Variants in L3MBTL4 observed in about 807,000 individuals in gnomAD.
The protein encoded by L3MBTL4 is lethal(3)malignant brain tumor-like protein 4.
L3MBTL4 carries 70 observed loss-of-function variants against 84.5 expected under a neutral mutation model. That is an observed-to-expected ratio of 0.83 (90% CI 0.68 to 1.01). L3MBTL4 has a LOEUF of 1.01. Among genes scored for constraint, L3MBTL4 ranks in the 50% least tolerant of loss-of-function variants. The pLI, the probability that L3MBTL4 is intolerant of heterozygous loss-of-function variation, is 0.00. For synonymous variants in L3MBTL4, 274 were observed against 259.8 expected (o/e 1.05, Z -0.52); for missense variants, 715 against 754.8 (o/e 0.95, Z 0.62).
At chr18:6,118,640 A>G (rs1324640456) in intron 14 of L3MBTL4, among the ~76,000 whole-genome samples, 3 of 152,224 alleles carry the variant, frequency 2.0e-5, no homozygotes, top group Non-Finnish European at 4.4e-5. Flanking sequence ...ATTTTTATTG[A>G]AGATATTAAT....
intron 16 of L3MBTL4, among the ~76,000 whole-genome samples, chr18:6,017,306 C>G (rs1876526594): frequency 7.1e-6 from 1 of 141,144 alleles, no homozygotes; most frequent in Non-Finnish European, 1.5e-5. Context: ...AGACACTTCT[C>G]AAGCAGTGAC....
chr18:6,406,801 G>T (rs1023992282), intron 1 of L3MBTL4, among the ~76,000 whole-genome samples: 9 of 152,054 alleles, frequency 5.9e-5, no homozygotes, highest in African/African-American at 2.2e-4. Context: ...AAAAAATGCT[G>T]AATCCAAATG....
chr18:6,374,088 T>TC (rs1372919765), intron 1 of L3MBTL4, among the ~76,000 whole-genome samples: 1 of 152,214 alleles, frequency 6.6e-6, no homozygotes, highest in African/African-American at 2.4e-5. Context: ...TGCCCACATT[T>TC]CCCCTGTGAA....
chr18:5,999,240 T>A (rs1259948224), intron 16 of L3MBTL4, among the ~76,000 whole-genome samples: 2 of 152,222 alleles, frequency 1.3e-5, no homozygotes, highest in East Asian at 3.9e-4. Context: ...TTATATTTAT[T>A]GAAATTCCAC....
chr18:5,978,015 G>A (rs540981404), intron 16 of L3MBTL4, among the ~76,000 whole-genome samples: 5 of 152,316 alleles, frequency 3.3e-5, no homozygotes, highest in South Asian at 2.1e-4. Flanking sequence ...ATGGCAGAGC[G>A]TGAACCTGAC....
intron 1 of L3MBTL4, among the ~76,000 whole-genome samples, chr18:6,400,393 C>T (rs1282328739): frequency 2.0e-5 from 3 of 151,964 alleles, no homozygotes; most frequent in African/African-American, 7.2e-5. Flanking sequence ...AGAAGAGTGA[C>T]CAAAAATCCA....
At chr18:6,151,840 G>T (rs929777867) in intron 13 of L3MBTL4, among the ~76,000 whole-genome samples, 1 of 152,128 alleles carries the variant, frequency 6.6e-6, no homozygotes, top group African/African-American at 2.4e-5. Flanking sequence ...CCTGGAACTT[G>T]TTCATTTTGT....
chr18:6,022,285 G>A (rs972694317), intron 16 of L3MBTL4, among the ~76,000 whole-genome samples: 1 of 152,148 alleles, frequency 6.6e-6, no homozygotes, highest in Non-Finnish European at 1.5e-5. Context: ...CTTCTCTGCA[G>A]TATTCATGGA....
In L3MBTL4 at chr18:6,248,473, A is replaced by G. The variant is rs115517737; in HGVS notation, c.220-3885T>C. Among the ~76,000 whole-genome samples the G allele has an allele frequency of 7.8e-3, 1,195 of 152,328 alleles. 17 individuals are homozygous for G. The highest frequency in any genetic ancestry group is 0.027 in the African/African-American group (1,120 of 41,578). ...TAATGATTTTTTAAATATGTAGAAT[A>G]TTAACATGCTTCCAAAAGTTAAAAT... On this transcript the variant is annotated intron_variant, in intron 5 of 18. Coordinates refer to ENST00000317931, the MANE Select transcript of L3MBTL4 (RefSeq NM_001330559.2).
intron 1 of L3MBTL4, among the ~76,000 whole-genome samples, chr18:6,378,695 A>C (rs936636509): frequency 1.3e-5 from 2 of 152,202 alleles, no homozygotes; most frequent in African/African-American, 2.4e-5. Context: ...TTTTGGTACC[A>C]GTACCGTGCT....
intron 1 of L3MBTL4, among the ~76,000 whole-genome samples, chr18:6,318,683 G>A (rs1225237665): frequency 6.6e-6 from 1 of 151,682 alleles, no homozygotes; most frequent in African/African-American, 2.4e-5. Flanking sequence ...AATAATACTG[G>A]GGGACTTCAA....
At chr18:6,410,542 TC>T (rs1215266712) in intron 1 of L3MBTL4, among the ~76,000 whole-genome samples, 1 of 152,146 alleles carries the variant, frequency 6.6e-6, no homozygotes, top group Non-Finnish European at 1.5e-5. Context: ...GCTGATTTAA[TC>T]TAAAAAGCTC....
At position 6,072,879 on chromosome 18, in the gene L3MBTL4, AAAATATATATATATATATATAT is replaced by A. The variant is rs1247181723; in HGVS notation, c.1444+7980_1444+8001del. ...AGACTCCGTCTCAAAAAAAAAAAAA[AAAATATATATATATATATATAT>A]ATATATATATATATATATATATATA... On this transcript the variant is annotated intron_variant, in intron 16 of 18. Coordinates refer to ENST00000317931, the MANE Select transcript of L3MBTL4 (RefSeq NM_001330559.2). 4.8e-4 allele frequency among the ~76,000 whole-genome samples: 20 copies of A among 41,598 alleles called. 4 individuals are homozygous for A. Among genetic ancestry groups the A allele is most frequent in the Non-Finnish European group, 8.6e-4 (19 of 22,012 alleles). The allele number at this position is 41,598 out of a possible 152,430, so 27.3% of individuals were successfully genotyped here. A position where few individuals can be genotyped will look rare whatever the true frequency, so the allele number is the denominator to read the frequency against.
At chr18:6,120,950 GC>G (rs1307089688) in intron 14 of L3MBTL4, among the ~76,000 whole-genome samples, 1 of 152,114 alleles carries the variant, frequency 6.6e-6, no homozygotes, top group Non-Finnish European at 1.5e-5. Context: ...CTTTTGGTGA[GC>G]TGACGCACGT....
chr18:6,077,068 T>C (rs1360226858), intron 16 of L3MBTL4, among the ~76,000 whole-genome samples: 2 of 152,136 alleles, frequency 1.3e-5, no homozygotes, highest in African/African-American at 2.4e-5. Flanking sequence ...GAACACTCAT[T>C]GAGCAAAGGA....
chr18:6,040,049 C>A (rs762540590), intron 16 of L3MBTL4, among the ~76,000 whole-genome samples: 2 of 152,006 alleles, frequency 1.3e-5, no homozygotes, highest in African/African-American at 2.4e-5. Flanking sequence ...AAGAGTAATG[C>A]ATGTACAGTA....
chr18:6,238,965 T>C (rs2047334453), intron 9 of L3MBTL4, among the ~76,000 whole-genome samples: 1 of 152,110 alleles, frequency 6.6e-6, no homozygotes, highest in African/African-American at 2.4e-5. Flanking sequence ...TTTAATGGCA[T>C]GCATGGTAGC....
intron 18 of L3MBTL4, 33 bp downstream of exon 18, chr18:5,960,061 C>A: frequency 2.7e-6 from 1 of 373,886 alleles, no homozygotes; most frequent in Non-Finnish European, 4.5e-6. Context: ...TATATATATA[C>A]ATATATATAT....
At chr18:6,185,263 A>T (rs947224813) in intron 12 of L3MBTL4, among the ~76,000 whole-genome samples, 3 of 152,326 alleles carry the variant, frequency 2.0e-5, no homozygotes, top group Non-Finnish European at 4.4e-5. Context: ...ACGTGCTGAC[A>T]AAGAAAGGGA....
Sources: allele counts gnomAD v4.1 joint callset (sites outside exome capture counted in the v4.1 genomes callset), GRCh38; gene constraint gnomAD v4.1.1; transcripts MANE v1.5; gene names NCBI Gene and HGNC (gene_info 2026-07-23, HGNC 2026-07-21).